The following SLC39A13 variants were observed in gnomAD, a reference collection of about 807,000 sequenced individuals.
SLC39A13 encodes solute carrier family 39 member 13, also known as zinc transporter ZIP13.
SLC39A13 carries 18 observed loss-of-function variants against 38.7 expected under a neutral mutation model. The ratio of observed to expected loss-of-function variants is 0.47; its 90% CI spans 0.32 to 0.69. SLC39A13 has a LOEUF of 0.69. Among genes scored for constraint, SLC39A13 ranks in the 30% least tolerant of loss-of-function variants. The pLI is 0.03. For missense variants in SLC39A13, 395 were observed against 490.7 expected (o/e 0.80, Z 1.84); for synonymous variants, 212 against 219.1 (o/e 0.97, Z 0.29).
chr11:47,409,819 T>G, intron 1 of SLC39A13: 1 of 432,924 alleles, frequency 2.3e-6, no homozygotes, highest in Non-Finnish European at 4.2e-6. Flanking sequence ...CCTCACCCTG[T>G]CATTAGGGAA....
At chr11:47,414,086 T>C (rs769723206) in intron 6 of SLC39A13, 130 of 610,160 alleles carry the variant, frequency 2.1e-4, no homozygotes, top group Non-Finnish European at 3.5e-4. Context: ...GGCTGACGAC[T>C]CATCCTTGGG....
chr11:47,410,402 G>T lies in SLC39A13; in HGVS notation c.301+7G>T, dbSNP rs547400862. 1 of 1,613,816 alleles carries T rather than the reference G, an allele frequency of 6.2e-7. No individual in the cohort carries two copies. The highest frequency in any genetic ancestry group is 2.2e-5 in the East Asian group (1 of 44,874). ...ACCATGCTGCGCTCAGAAGGTAGGTGACTCTCCGGTGGCGCCCAGGGCTGG... is the reference window on the plus strand; with the variant it reads ...ACCATGCTGCGCTCAGAAGGTAGGTTACTCTCCGGTGGCGCCCAGGGCTGG... On this transcript the variant is annotated splice_region_variant and intron_variant, in intron 2 of 9. Transcript: ENST00000362021.
Position 47,414,425 on chromosome 11 carries a change from A to G in SLC39A13, c.736A>G (p.Ile246Val), listed in dbSNP as rs767784704. 30 of 1,609,788 alleles carry G rather than the reference A, an allele frequency of 1.9e-5. No homozygotes were observed. The highest frequency in any genetic ancestry group is 2.5e-5 in the Non-Finnish European group (29 of 1,178,356). The change falls in exon 7 of 10, where the codon ATC (isoleucine) becomes GTC (valine). Residue 246 changes from isoleucine (I) to valine (V), a missense_variant and splice_region_variant. Transcript: ENST00000362021. ...VAASFLVSKKIGLLTTMAILL... is the reference protein window; with the variant it reads ...VAASFLVSKKVGLLTTMAILL... ...GCAGCCACGGCTCCCCTCCCTGCAGATCGGGCTCCTGACAACCATGGCCAT... is the reference window on the plus strand; with the variant it reads ...GCAGCCACGGCTCCCCTCCCTGCAGGTCGGGCTCCTGACAACCATGGCCAT...
At chr11:47,408,213 C>T (rs934994335), upstream of SLC39A13, among the ~76,000 whole-genome samples, 5 of 152,326 alleles carry the variant, frequency 3.3e-5, no homozygotes, top group South Asian at 6.2e-4. Flanking sequence ...GGCGGCCGGG[C>T]GCGCCCCCGT....
chr11:47,408,294 A>C (rs898598150), upstream of SLC39A13, among the ~76,000 whole-genome samples: 19 of 152,030 alleles, frequency 1.2e-4, no homozygotes, highest in Admixed American at 2.0e-4. Context: ...AGCCTGGTCG[A>C]TCGCGGTCCC....
Position 47,415,455 on chromosome 11 carries a change from T to A in SLC39A13, c.*92T>A. 6.9e-7 allele frequency: 1 copy of A among 1,441,256 alleles called. No individual in the cohort carries two copies. The highest frequency in any genetic ancestry group is 9.7e-7 in the Non-Finnish European group (1 of 1,031,964). The allele number at this position is 1,441,256 out of a possible 1,614,324, so 89.3% of individuals were successfully genotyped here. A position where few individuals can be genotyped will look rare whatever the true frequency, so the allele number is the denominator to read the frequency against. On this transcript the variant is annotated 3_prime_UTR_variant, in exon 10 of 10. Coordinates refer to ENST00000362021, the MANE Select transcript of SLC39A13 (RefSeq NM_001128225.3). Reference sequence around the variant, plus strand: ...ATATGTGAGAGGCAGAGAGGGCGAGTGGCTGCGAGAGAGAATGAGCCTCCC... The same window carrying A: ...ATATGTGAGAGGCAGAGAGGGCGAGAGGCTGCGAGAGAGAATGAGCCTCCC...
At chr11:47,410,038 T>C in intron 1 of SLC39A13, 49 bp from the exon 2 acceptor site, 15 of 1,605,988 alleles carry the variant, frequency 9.3e-6, no homozygotes, top group Non-Finnish European at 1.3e-5. Flanking sequence ...CCTAAGCAGG[T>C]GTGCGGCCAA....
chr11:47,410,341 G>A lies in SLC39A13; in HGVS notation c.247G>A (p.Val83Ile). ...LGSLMVGLSGVFPLLVIPLEM... is the reference protein window; with the variant it reads ...LGSLMVGLSGIFPLLVIPLEM... ...TTCCCTCATGGTGGGGCTCAGTGGG[G>A]TCTTCCCGTTGCTTGTCATTCCCCT... Residue 83 changes from valine to isoleucine, a missense_variant, in exon 2 of 10, where the codon GTC becomes ATC. Physicochemically the swap from Val to Ile is conservative, Grantham distance 29. Coordinates refer to ENST00000362021, the MANE Select transcript of SLC39A13 (RefSeq NM_001128225.3). The A allele has an allele frequency of 1.2e-6, 2 of 1,614,158 alleles. No individual in the cohort carries two copies. Among genetic ancestry groups the A allele is most frequent in the East Asian group, 2.2e-5 (1 of 44,872 alleles).
intron 2 of SLC39A13, 60 bp downstream of exon 2, chr11:47,410,455 C>T: frequency 6.3e-7 from 1 of 1,592,476 alleles, no homozygotes; most frequent in South Asian, 1.1e-5. Context: ...TGCTGCTGCT[C>T]TTCTTAGGAG....
At chr11:47,410,496 G>A (rs778253822) in intron 2 of SLC39A13, 101 bp downstream of exon 2, 20 of 1,439,768 alleles carry the variant, frequency 1.4e-5, no homozygotes, top group Non-Finnish European at 1.8e-5. Flanking sequence ...TGAGATGGAG[G>A]GAGAGGATAG....
Position 47,410,306 on chromosome 11 carries a change from C to G in SLC39A13, c.212C>G (p.Ser71Cys). 6.2e-7 allele frequency: 1 copy of G among 1,614,142 alleles called. No individual in the cohort carries two copies. The highest frequency in any genetic ancestry group is 8.5e-7 in the Non-Finnish European group (1 of 1,180,000). Reference protein sequence around the residue: ...SGERLDTWICSLLGSLMVGLS... With the variant: ...SGERLDTWICCLLGSLMVGLS... ...GAGCGGCTGGACACCTGGATCTGCT[C>G]CCTCCTGGGTTCCCTCATGGTGGGG... is the stretch of plus-strand genomic sequence containing the variant. Residue 71 changes from serine (S) to cysteine (C), a missense_variant, in exon 2 of 10, where the codon TCC becomes TGC. Physicochemically the swap from Ser to Cys is moderately radical, Grantham distance 112 (BLOSUM62 -1). Transcript: ENST00000362021.
rs1244096126 is a variant in SLC39A13 at position 47,416,156 on chromosome 11, G to A, written c.*793G>A. ...ACAGGGGCCAGGGACTCCTGGAGCA[G>A]GCACATAGTGAGCCCGGGCAGCCCT... On this transcript the variant is annotated 3_prime_UTR_variant, in exon 10 of 10. Transcript: ENST00000362021. The A allele has an allele frequency of 6.5e-6, 1 of 153,404 alleles. No individual in the cohort carries two copies. The highest frequency in any genetic ancestry group is 2.4e-5 in the African/African-American group (1 of 41,482). 9.5% of individuals were successfully genotyped at this position (153,404 alleles called of 1,614,324 possible). A position where few individuals can be genotyped will look rare whatever the true frequency, so the allele number is the denominator to read the frequency against.
intron 6 of SLC39A13, 58 bp from the exon 7 acceptor site, chr11:47,414,367 C>T (rs773211330): frequency 6.4e-6 from 10 of 1,557,622 alleles, no homozygotes; most frequent in East Asian, 4.7e-5. Context: ...AATGAGTGGG[C>T]GAGTGGGGTG....
chr11:47,410,252 G>A lies in SLC39A13; in HGVS notation c.158G>A (p.Ser53Asn). 9.3e-6 allele frequency: 15 copies of A among 1,614,156 alleles called. No homozygotes were observed. Among genetic ancestry groups the A allele is most frequent in the Non-Finnish European group, 1.2e-5 (14 of 1,180,026 alleles). ...GCCTGTCGCCTGGACAACAAGGAAA[G>A]CGAGTCCTGGGGGGCTCTGCTGAGC... ...ATACRLDNKE[S>N]ESWGALLSGE... is the part of the protein sequence containing the mutation. Residue 53 changes from serine to asparagine, a missense_variant, in exon 2 of 10, where the codon AGC (serine) becomes AAC (asparagine). By Grantham distance (46) the Ser-to-Asn change is conservative (BLOSUM62 1). Transcript: ENST00000362021.
In SLC39A13 at chr11:47,414,673, G is replaced by T. The variant is rs368328819; in HGVS notation, c.787-104G>T. ...CATACTCAGGATGGGGGTCCCAGGGGAAGGGTGGGGAAGGGCAGGGGGCTC... is the reference window on the plus strand; with the variant it reads ...CATACTCAGGATGGGGGTCCCAGGGTAAGGGTGGGGAAGGGCAGGGGGCTC... On this transcript the variant is annotated intron_variant, in intron 7 of 9. Transcript: ENST00000362021. 7.3e-5 allele frequency: 115 copies of T among 1,570,410 alleles called. No individual in the cohort carries two copies. The East Asian group carries it at 1.1e-3, about 15-fold the overall frequency.
chr11:47,408,306 G>A (rs1266272987), upstream of SLC39A13, among the ~76,000 whole-genome samples: 6 of 152,094 alleles, frequency 3.9e-5, no homozygotes, highest in African/African-American at 1.2e-4. Flanking sequence ...CGCGGTCCCC[G>A]CAGAGCCGCC....
At position 47,414,493 on chromosome 11, in the gene SLC39A13, AGCCCCCAGGGGCCCAG is replaced by A; in HGVS notation, c.786+26_786+41del. ...CCCATGAGGTGAGCGCTTGTAGGGC[AGCCCCCAGGGGCCCAG>A]GCCCCCACAGTGCCCATGATCAGCA... On this transcript the variant is annotated intron_variant, in intron 7 of 9. Coordinates refer to ENST00000362021, the MANE Select transcript of SLC39A13 (RefSeq NM_001128225.3). 6.2e-7 allele frequency: 1 copy of A among 1,611,312 alleles called. No individual in the cohort carries two copies. The highest frequency in any genetic ancestry group is 1.3e-5 in the African/African-American group (1 of 75,028).
chr11:47,411,317 C>A (rs1179797463), intron 2 of SLC39A13, among the ~76,000 whole-genome samples: 1 of 152,154 alleles, frequency 6.6e-6, no homozygotes, highest in Non-Finnish European at 1.5e-5. Context: ...TCATTTAATT[C>A]CCATAAGAGC....
In SLC39A13 at chr11:47,410,265, G is replaced by GGCTCTGCTGA; in HGVS notation, c.174_183dup (p.Gly62SerfsTer83). ...ACAACAAGGAAAGCGAGTCCTGGGG[G>GGCTCTGCTGA]GCTCTGCTGAGCGGAGAGCGGCTGG... On this transcript the variant is annotated frameshift_variant, in exon 2 of 10. Coordinates refer to ENST00000362021, the MANE Select transcript of SLC39A13 (RefSeq NM_001128225.3). LOFTEE classifies it high-confidence loss of function. 6.2e-7 allele frequency: 1 copy of GGCTCTGCTGA among 1,614,138 alleles called. No individual in the cohort carries two copies. Among genetic ancestry groups the GGCTCTGCTGA allele is most frequent in the Non-Finnish European group, 8.5e-7 (1 of 1,180,018 alleles).
Sources: allele counts gnomAD v4.1 joint callset (sites outside exome capture counted in the v4.1 genomes callset), GRCh38; gene constraint gnomAD v4.1.1; transcripts MANE v1.5; gene names NCBI Gene and HGNC (gene_info 2026-07-23, HGNC 2026-07-21).